Variants in PKD1L1 observed in about 807,000 individuals in gnomAD.
The protein encoded by PKD1L1 is polycystin-1-like protein 1.
PKD1L1 carries 236 observed loss-of-function variants against 323.4 expected under a neutral mutation model. The ratio of observed to expected loss-of-function variants is 0.73; its 90% CI spans 0.66 to 0.81. PKD1L1 has a LOEUF of 0.81. PKD1L1 is among the 40% of genes least tolerant of loss of function. The pLI is 0.00. For missense variants in PKD1L1, 3,320 were observed against 3,508.0 expected (o/e 0.95, Z 1.35); for synonymous variants, 1,344 against 1,335.0 (o/e 1.01, Z -0.15).
chr7:47,915,460 T>A lies in PKD1L1; in HGVS notation c.1200A>T (p.Gly400=), dbSNP rs1787407657. The change falls in exon 8 of 57, where the codon GGA becomes GGT. Residue 400 remains glycine (G), a synonymous_variant. Transcript: ENST00000289672. Reference sequence around the variant, plus strand: ...TGACAAAGGCAGAAATAAGCTCATATCCAAGGTTACTGGGGTCTGAGTCTT... The same window carrying A: ...TGACAAAGGCAGAAATAAGCTCATAACCAAGGTTACTGGGGTCTGAGTCTT... ...CLEDSDPSNL[G]YELISAFVTK... The A allele has an allele frequency of 9.5e-7, 1 of 1,050,720 alleles. No homozygotes were observed. Among genetic ancestry groups the A allele is most frequent in the African/African-American group, 1.6e-5 (1 of 63,866 alleles). 65.1% of individuals were successfully genotyped at this position (1,050,720 alleles called of 1,614,324 possible).
At chr7:47,795,285 C>G in intron 55 of PKD1L1, 1 of 450,018 alleles carries the variant, frequency 2.2e-6, no homozygotes, top group South Asian at 1.6e-5. Context: ...TGGTCTTTCT[C>G]ATGCTATTCT....
At chr7:47,796,892 C>T (rs571173299) in intron 54 of PKD1L1, among the ~76,000 whole-genome samples, 2 of 150,046 alleles carry the variant, frequency 1.3e-5, no homozygotes, top group South Asian at 2.1e-4. Context: ...CCCAGCTACT[C>T]GGGAGGCTGA....
At position 47,890,537 on chromosome 7, in the gene PKD1L1, G is replaced by A. The variant is rs2128748655; in HGVS notation, c.2675+5C>T. On this transcript the variant is annotated splice_donor_5th_base_variant and intron_variant, in intron 16 of 56. Coordinates refer to ENST00000289672, the MANE Select transcript of PKD1L1 (RefSeq NM_138295.5). ...CTGAGCTGTGCTGAATACAGGGTCAGGTACCTGAACGCCGAGTCAGGGTAG... is the reference window on the plus strand; with the variant it reads ...CTGAGCTGTGCTGAATACAGGGTCAAGTACCTGAACGCCGAGTCAGGGTAG... The A allele has an allele frequency of 1.9e-6, 3 of 1,613,634 alleles. No homozygotes were observed. Among genetic ancestry groups the A allele is most frequent in the Middle Eastern group, 1.7e-4 (1 of 6,016 alleles).
At chr7:47,896,035 T>C (rs765804725) in intron 14 of PKD1L1, among the ~76,000 whole-genome samples, 2 of 152,214 alleles carry the variant, frequency 1.3e-5, no homozygotes, top group Admixed American at 6.5e-5. Context: ...GGTATCTTAT[T>C]GTCATAAAGA....
intron 45 of PKD1L1, among the ~76,000 whole-genome samples, chr7:47,825,847 T>C (rs573297790): frequency 7.9e-5 from 12 of 152,312 alleles, no homozygotes; most frequent in African/African-American, 2.4e-4. Flanking sequence ...TATATAAATA[T>C]GATATTGGTT....
chr7:47,876,333 G>C, intron 22 of PKD1L1, 116 bp from the exon 23 acceptor site: 2 of 1,234,030 alleles, frequency 1.6e-6, no homozygotes. Flanking sequence ...TTTACAGCCA[G>C]GAAGAGGGTA....
In PKD1L1 at chr7:47,894,077, G is replaced by T; in HGVS notation, c.2272-18C>A. On this transcript the variant is annotated intron_variant, in intron 14 of 56. Transcript: ENST00000289672. ...ATCTGAACCTGCAGGGGCAAGGAAG[G>T]ACAGGGGATGTCATGCAGGGACAAG... is the stretch of plus-strand genomic sequence containing the variant. 1.3e-6 allele frequency: 2 copies of T among 1,531,894 alleles called. No individual in the cohort carries two copies. Among genetic ancestry groups the T allele is most frequent in the Middle Eastern group, 1.8e-4 (1 of 5,656 alleles). 94.9% of individuals were successfully genotyped at this position (1,531,894 alleles called of 1,614,324 possible).
chr7:47,813,957 T>G lies in PKD1L1; in HGVS notation c.7147A>C (p.Lys2383Gln), dbSNP rs745485288. The change falls in exon 48 of 57, where the codon AAA becomes CAA. Residue 2383 changes from lysine (K) to glutamine (Q), a missense_variant. Coordinates refer to ENST00000289672, the MANE Select transcript of PKD1L1 (RefSeq NM_138295.5). ...TTGCATAAATGCCTAGGAAAAACTT[T>G]TAGCTGCCTAATTACGGAACTGCCT... ...LIGSSVIRQLKVFPRHLCKPP... is the reference protein window; with the variant it reads ...LIGSSVIRQLQVFPRHLCKPP... 4 of 1,614,034 alleles carry G rather than the reference T, an allele frequency of 2.5e-6. No homozygotes were observed. The African/African-American group carries it at 5.3e-5, about 22-fold the overall frequency.
chr7:47,920,298 C>CA (rs58524433), intron 7 of PKD1L1, among the ~76,000 whole-genome samples: 12,402 of 140,248 alleles, frequency 0.088, 1,574 homozygotes, highest in African/African-American at 0.29. Flanking sequence ...CAAACAAAAA[C>CA]AAAAAAAAAA....
chr7:47,880,280 A>ATTTTTTTTTT (rs1380647150), intron 21 of PKD1L1, among the ~76,000 whole-genome samples: 12 of 71,546 alleles, frequency 1.7e-4, no homozygotes, highest in African/African-American at 6.7e-4. Context: ...ATATATATAT[A>ATTTTTTTTTT]TATATTTTTT....
At chr7:47,824,331 C>A (rs976556000) in intron 45 of PKD1L1, among the ~76,000 whole-genome samples, 4 of 152,200 alleles carry the variant, frequency 2.6e-5, no homozygotes, top group Non-Finnish European at 4.4e-5. Flanking sequence ...TCTGTACCTT[C>A]TTTCTCTCAT....
At chr7:47,797,264 C>T (rs1384536948) in intron 54 of PKD1L1, among the ~76,000 whole-genome samples, 4 of 152,196 alleles carry the variant, frequency 2.6e-5, no homozygotes, top group Non-Finnish European at 5.9e-5. Context: ...TGGTTCTTGG[C>T]CCCTACGCTG....
chr7:47,841,034 C>T (rs1359335631), intron 34 of PKD1L1, among the ~76,000 whole-genome samples: 2 of 152,164 alleles, frequency 1.3e-5, no homozygotes, highest in African/African-American at 4.8e-5. Context: ...TATCTTCTGT[C>T]ACACAGAAAT....
intron 41 of PKD1L1, among the ~76,000 whole-genome samples, 154 bp downstream of exon 41, chr7:47,832,936 T>C (rs147917686): frequency 2.6e-5 from 4 of 152,362 alleles, no homozygotes; most frequent in Non-Finnish European, 4.4e-5. Flanking sequence ...GCTGGACGCC[T>C]CAGTTTTGGG....
chr7:47,922,877 C>T (rs1465341675), intron 7 of PKD1L1, among the ~76,000 whole-genome samples: 1 of 152,160 alleles, frequency 6.6e-6, no homozygotes, highest in Non-Finnish European at 1.5e-5. Flanking sequence ...ATGACGATGG[C>T]GGTTTTGTCG....
Position 47,880,681 on chromosome 7 carries a change from G to C in PKD1L1, c.3520+47C>G, listed in dbSNP as rs367599439. Reference sequence around the variant, plus strand: ...GGAAGAGTAAACTCACAGAGACGCAGCAGGACTCCTCATCCTCTGATAAAT... The same window carrying C: ...GGAAGAGTAAACTCACAGAGACGCACCAGGACTCCTCATCCTCTGATAAAT... On this transcript the variant is annotated intron_variant, in intron 21 of 56. Coordinates refer to ENST00000289672, the MANE Select transcript of PKD1L1 (RefSeq NM_138295.5). The C allele has an allele frequency of 2.5e-4, 365 of 1,459,044 alleles. No individual in the cohort carries two copies. The highest frequency in any genetic ancestry group is 5.1e-4 in the Admixed American group (29 of 56,752). The allele number at this position is 1,459,044 out of a possible 1,614,324, so 90.4% of individuals were successfully genotyped here. A position where few individuals can be genotyped will look rare whatever the true frequency, so the allele number is the denominator to read the frequency against.
At chr7:47,809,344 A>G (rs1784845653) in intron 51 of PKD1L1, 129 bp downstream of exon 51, 1 of 675,332 alleles carries the variant, frequency 1.5e-6, no homozygotes, top group Non-Finnish European at 2.4e-6. Flanking sequence ...GATTAACACT[A>G]CAGAGGGAGA....
At chr7:47,857,929 C>T (rs755592912) in intron 27 of PKD1L1, 97 bp from the exon 28 acceptor site, 1 of 1,204,494 alleles carries the variant, frequency 8.3e-7, no homozygotes, top group South Asian at 1.4e-5. Context: ...AGTTAAAAAG[C>T]CCATCTCAAG....
rs536157879 is a variant in PKD1L1 at position 47,855,875 on chromosome 7, C to CAAA, written c.4591-613_4591-611dup. Reference sequence around the variant, plus strand: ...TGGGCGACAGAGCGAGACTCCGTCTCAAAAAAAAAAAAAAAAAAAAAAAAA... The same window carrying CAAA: ...TGGGCGACAGAGCGAGACTCCGTCTCAAAAAAAAAAAAAAAAAAAAAAAAAAAA... On this transcript the variant is annotated intron_variant, in intron 28 of 56. Transcript: ENST00000289672. Among the ~76,000 whole-genome samples the CAAA allele has an allele frequency of 1.8e-3, 60 of 32,524 alleles. 1 individual carries two copies. The highest frequency in any genetic ancestry group is 2.7e-3 in the Admixed American group (6 of 2,198). The allele number at this position is 32,524 out of a possible 152,430, so 21.3% of individuals were successfully genotyped here.
Sources: allele counts gnomAD v4.1 joint callset (sites outside exome capture counted in the v4.1 genomes callset), GRCh38; gene constraint gnomAD v4.1.1; transcripts MANE v1.5; gene names NCBI Gene and HGNC (gene_info 2026-07-23, HGNC 2026-07-21).